The following RGS6 variants were observed in gnomAD, a reference collection of about 807,000 sequenced individuals.
RGS6 encodes regulator of G protein signaling 6, also known as regulator of G-protein signaling 6.
Under a neutral mutation model 78.5 loss-of-function variants are expected in RGS6, and 30 were observed. The observed-to-expected ratio is 0.38, with a 90% CI of 0.29 to 0.52. RGS6 has a LOEUF of 0.52. Among genes scored for constraint, RGS6 ranks in the 20% least tolerant of loss-of-function variants. The pLI is 0.85. For synonymous variants in RGS6, 206 were observed against 206.0 expected, an observed-to-expected ratio of 1.00 and a Z score of 0.00; for missense variants, 495 against 609.7, an observed-to-expected ratio of 0.81 and a Z score of 1.98.
chr14:72,336,512 TGAGAGAGAGAGA>T (rs35115421), intron 2 of RGS6, among the ~76,000 whole-genome samples: 1 of 149,644 alleles, frequency 6.7e-6, no homozygotes, highest in Non-Finnish European at 1.5e-5. Context: ...TGTCATCTCC[TGAGAGAGAGAGA>T]GAGAGAGAGA....
chr14:72,080,402 G>A (rs558229724), intron 2 of RGS6, among the ~76,000 whole-genome samples: 33 of 151,936 alleles, frequency 2.2e-4, no homozygotes, highest in East Asian at 9.7e-4. Flanking sequence ...TAAGTTGTTC[G>A]CATTCCTTAT....
chr14:72,525,617 A>G (rs1292858769), intron 15 of RGS6, among the ~76,000 whole-genome samples: 1 of 152,260 alleles, frequency 6.6e-6, no homozygotes, highest in Non-Finnish European at 1.5e-5. Context: ...GCTTTGTTTA[A>G]AAGCCAAAGC....
intron 3 of RGS6, among the ~76,000 whole-genome samples, chr14:72,411,939 C>A (rs2093445051): frequency 6.6e-6 from 1 of 152,118 alleles, no homozygotes; most frequent in South Asian, 2.1e-4. Context: ...GGTGGATAAG[C>A]TTTTTGATGT....
At chr14:72,297,205 G>A (rs2065011408) in intron 2 of RGS6, among the ~76,000 whole-genome samples, 1 of 152,006 alleles carries the variant, frequency 6.6e-6, no homozygotes, top group South Asian at 2.1e-4. Context: ...ATTAGATAGA[G>A]TAAGTCCTTC....
the RGS6 span, among the ~76,000 whole-genome samples, chr14:72,628,994 G>T: frequency 1.3e-5 from 2 of 152,138 alleles, no homozygotes; most frequent in East Asian, 3.8e-4. Flanking sequence ...CAATGTATGG[G>T]CCTTATTTGA....
At chr14:72,501,561 G>A (rs577686275) in intron 13 of RGS6, among the ~76,000 whole-genome samples, 2 of 152,328 alleles carry the variant, frequency 1.3e-5, no homozygotes, top group African/African-American at 4.8e-5. Context: ...AGAAAATAGT[G>A]ATTGCCAGGG....
In RGS6 at chr14:72,133,891, T is replaced by C. The variant is rs114924371; in HGVS notation, c.84+169016T>C. Among the ~76,000 whole-genome samples, 375 of 152,194 alleles carry C rather than the reference T, an allele frequency of 2.5e-3. 4 individuals are homozygous for C. Among genetic ancestry groups the C allele is most frequent in the African/African-American group, 8.9e-3 (368 of 41,542 alleles). ...TAGAAGGCATCTTTCATATCCAGTC[T>C]TTCACCCTTACCAGTAATGTTATGG... On this transcript the variant is annotated intron_variant, in intron 2 of 17. Coordinates refer to ENST00000553525, the MANE Select transcript of RGS6 (RefSeq NM_001204424.2).
chr14:72,471,821 T>A (rs553668783), intron 8 of RGS6, among the ~76,000 whole-genome samples: 1 of 152,338 alleles, frequency 6.6e-6, no homozygotes, highest in Admixed American at 6.5e-5. Context: ...TCAACTGGAC[T>A]AAGGCAGAAT....
At chr14:72,244,885 C>T (rs562240123) in intron 2 of RGS6, among the ~76,000 whole-genome samples, 4 of 151,522 alleles carry the variant, frequency 2.6e-5, no homozygotes, top group African/African-American at 9.7e-5. Context: ...AGTGCAATGG[C>T]ACGATCTCAG....
intron 2 of RGS6, among the ~76,000 whole-genome samples, chr14:72,196,509 G>C (rs749331921): frequency 6.6e-6 from 1 of 152,144 alleles, no homozygotes; most frequent in Non-Finnish European, 1.5e-5. Flanking sequence ...CATGCCCCCT[G>C]TTCCTCCTGG....
chr14:72,165,651 C>T (rs950095704), intron 2 of RGS6, among the ~76,000 whole-genome samples: 4 of 152,194 alleles, frequency 2.6e-5, no homozygotes, highest in East Asian at 1.9e-4. Flanking sequence ...AATGCCAGCA[C>T]GTCGTTTTCT....
chr14:72,348,719 A>T (rs1010525216), intron 2 of RGS6, among the ~76,000 whole-genome samples: 2 of 152,226 alleles, frequency 1.3e-5, no homozygotes, highest in Non-Finnish European at 2.9e-5. Flanking sequence ...AGAAAGGGTG[A>T]TTCAGAGATA....
At chr14:72,363,879 A>ATAG (rs1251178762) in intron 3 of RGS6, among the ~76,000 whole-genome samples, 2 of 152,138 alleles carry the variant, frequency 1.3e-5, no homozygotes, top group East Asian at 3.9e-4. Flanking sequence ...CTCATGGAGA[A>ATAG]TAGTCTTCCA....
chr14:72,413,352 T>G (rs959223832), intron 3 of RGS6, among the ~76,000 whole-genome samples: 4 of 152,206 alleles, frequency 2.6e-5, no homozygotes, highest in African/African-American at 7.2e-5. Flanking sequence ...TGATCTTTGT[T>G]GGTTTAAAGT....
the RGS6 span, among the ~76,000 whole-genome samples, chr14:71,874,069 G>A: frequency 3.9e-5 from 6 of 152,166 alleles, no homozygotes; most frequent in African/African-American, 1.4e-4. Flanking sequence ...TTGAAGTCAG[G>A]TAGCATGATG....
intron 2 of RGS6, among the ~76,000 whole-genome samples, chr14:72,086,874 C>T (rs2153487368): frequency 6.6e-6 from 1 of 152,246 alleles, no homozygotes; most frequent in South Asian, 2.1e-4. Flanking sequence ...GCGAGTTTTC[C>T]TCTTGATTCA....
At chr14:72,607,858 G>A in the RGS6 span, among the ~76,000 whole-genome samples, 7 of 152,134 alleles carry the variant, frequency 4.6e-5, no homozygotes, top group Admixed American at 6.5e-5. Flanking sequence ...ACCCATGTCC[G>A]CAGCAACCAT....
intron 2 of RGS6, among the ~76,000 whole-genome samples, chr14:72,072,403 G>A (rs910965388): frequency 1.3e-5 from 2 of 151,920 alleles, no homozygotes; most frequent in Non-Finnish European, 2.9e-5. Context: ...CTGCCTCTTG[G>A]GTTCAAGCAA....
At chr14:72,549,914 C>A (rs1337685279) in intron 17 of RGS6, among the ~76,000 whole-genome samples, 1 of 152,172 alleles carries the variant, frequency 6.6e-6, no homozygotes, top group East Asian at 1.9e-4. Flanking sequence ...ACTATGCCCC[C>A]ACCCTGGCTT....
Sources: gnomAD v4.1 joint callset for allele counts (sites outside exome capture counted in the v4.1 genomes callset) on GRCh38, gnomAD v4.1.1 for gene constraint, MANE v1.5 for transcripts, NCBI Gene and HGNC (gene_info 2026-07-23, HGNC 2026-07-21) for gene names.